Variants in ERC2 observed in about 807,000 individuals in gnomAD.
The protein encoded by ERC2 is ELKS/RAB6-interacting/CAST family member 2, also known as ERC protein 2.
In ERC2, 42 loss-of-function variants were observed where a neutral mutation model predicts 114.8. The observed-to-expected ratio is 0.37, with a 90% CI of 0.29 to 0.47. The LOEUF is 0.47. Among genes scored for constraint, ERC2 ranks in the 20% least tolerant of loss-of-function variants. The pLI is 0.99. For missense variants in ERC2, 939 were observed against 1,150.7 expected (o/e 0.82, Z 2.66); for synonymous variants, 454 against 425.5 (o/e 1.07, Z -0.82).
chr3:55,651,880 A>C (rs1559802150), intron 17 of ERC2, among the ~76,000 whole-genome samples: 1 of 152,212 alleles, frequency 6.6e-6, no homozygotes, highest in East Asian at 1.9e-4. Context: ...CACAGATTGC[A>C]AAAAAGGCAA....
chr3:56,448,990 G>C (rs1329194244), intron 1 of ERC2, among the ~76,000 whole-genome samples: 1 of 151,230 alleles, frequency 6.6e-6, no homozygotes, highest in Admixed American at 6.6e-5. Flanking sequence ...CAGGAGAATG[G>C]CGTGAACCCA....
intron 3 of ERC2, among the ~76,000 whole-genome samples, chr3:56,207,127 G>C (rs1199040098): frequency 6.6e-6 from 1 of 152,038 alleles, no homozygotes; most frequent in Non-Finnish European, 1.5e-5. Flanking sequence ...TAATATGTTT[G>C]CTGTGGGCAT....
intron 10 of ERC2, among the ~76,000 whole-genome samples, chr3:55,998,963 C>T (rs890530221): frequency 5.3e-5 from 8 of 152,176 alleles, no homozygotes; most frequent in African/African-American, 1.9e-4. Flanking sequence ...AGCAAGGTTG[C>T]ACCCAGTGCC....
At chr3:55,732,240 G>T (rs1403312318) in intron 15 of ERC2, among the ~76,000 whole-genome samples, 3 of 152,056 alleles carry the variant, frequency 2.0e-5, no homozygotes, top group Admixed American at 6.6e-5. Context: ...AATAACAGGG[G>T]GTTATTTTGA....
chr3:56,004,741 T>C (rs540791219), intron 10 of ERC2, among the ~76,000 whole-genome samples: 5 of 152,120 alleles, frequency 3.3e-5, no homozygotes, highest in South Asian at 2.1e-4. Context: ...CAAAATTCCA[T>C]TGGGAATTTT....
intron 5 of ERC2, among the ~76,000 whole-genome samples, chr3:56,144,846 G>C (rs2081055132): frequency 6.6e-6 from 1 of 151,706 alleles, no homozygotes; most frequent in Non-Finnish European, 1.5e-5. Context: ...ATAGTTACAG[G>C]GTAAAAAAAA....
intron 6 of ERC2, among the ~76,000 whole-genome samples, chr3:56,121,847 C>T (rs150526716): frequency 3.0e-4 from 46 of 152,204 alleles, no homozygotes; most frequent in Non-Finnish European, 6.2e-4. Context: ...GCTTACCGTG[C>T]CCAGGAGTTT....
chr3:56,439,545 G>T (rs1486145310), intron 1 of ERC2, among the ~76,000 whole-genome samples: 1 of 152,116 alleles, frequency 6.6e-6, no homozygotes, highest in Non-Finnish European at 1.5e-5. Flanking sequence ...TACCTATTTT[G>T]TGTCAATTAT....
intron 14 of ERC2, among the ~76,000 whole-genome samples, chr3:55,850,609 A>T (rs2061528666): frequency 6.6e-6 from 1 of 152,162 alleles, no homozygotes; most frequent in Admixed American, 6.5e-5. Flanking sequence ...ATAACAGCCA[A>T]GACCACTCCT....
chr3:56,400,744 T>C lies in ERC2; in HGVS notation c.657+33607A>G, dbSNP rs142773462. On this transcript the variant is annotated intron_variant, in intron 2 of 17. Coordinates refer to ENST00000288221, the MANE Select transcript of ERC2 (RefSeq NM_015576.3). ...TAATGAATGACTTTGCTAATACCTG[T>C]TTTTACTATGTTCATTACTCTGTGG... is the stretch of plus-strand genomic sequence containing the variant. Among the ~76,000 whole-genome samples, 15 of 152,332 alleles carry C rather than the reference T, an allele frequency of 9.8e-5. No homozygotes were observed. The East Asian group carries it at 2.1e-3, about 22-fold the overall frequency.
chr3:56,335,055 T>A (rs1212532357), intron 2 of ERC2, among the ~76,000 whole-genome samples: 1 of 152,196 alleles, frequency 6.6e-6, no homozygotes. Context: ...TCTGCCCACC[T>A]TGGCCTCCCA....
At chr3:55,875,397 A>G (rs2062781653) in intron 14 of ERC2, among the ~76,000 whole-genome samples, 1 of 152,214 alleles carries the variant, frequency 6.6e-6, no homozygotes, top group Admixed American at 6.5e-5. Context: ...GGGTGAGGTA[A>G]TAGCAGACTC....
In ERC2 at chr3:56,314,391, C is replaced by A. The variant is rs953353452; in HGVS notation, c.658-17956G>T. Among the ~76,000 whole-genome samples, 5 of 151,786 alleles carry A rather than the reference C, an allele frequency of 3.3e-5. No individual in the cohort carries two copies. The South Asian group carries it at 8.3e-4, about 25-fold the overall frequency. On this transcript the variant is annotated intron_variant, in intron 2 of 17. Coordinates refer to ENST00000288221, the MANE Select transcript of ERC2 (RefSeq NM_015576.3). Reference sequence around the variant, plus strand: ...CTTATGCCTGAAACTTAGTAAGTACCCTAGCCAACAGGAAGCCATCATTTT... The same window carrying A: ...CTTATGCCTGAAACTTAGTAAGTACACTAGCCAACAGGAAGCCATCATTTT...
In ERC2 at chr3:55,997,931, T is replaced by TG. The variant is rs1330150296; in HGVS notation, c.2062-5682_2062-5681insC. Reference sequence around the variant, plus strand: ...TTGTGTGTGTGTGTGTGTTTTTTGTTTTTTTTTTTTTTTTGGTAGAGATGG... The same window carrying TG: ...TTGTGTGTGTGTGTGTGTTTTTTGTTGTTTTTTTTTTTTTTGGTAGAGATGG... On this transcript the variant is annotated intron_variant, in intron 10 of 17. Coordinates refer to ENST00000288221, the MANE Select transcript of ERC2 (RefSeq NM_015576.3). Among the ~76,000 whole-genome samples the TG allele has an allele frequency of 8.6e-3, 527 of 61,034 alleles. 21 individuals carry two copies. The East Asian group carries it at 0.29, about 33-fold the overall frequency. 40.0% of individuals were successfully genotyped at this position (61,034 alleles called of 152,430 possible). A position where few individuals can be genotyped will look rare whatever the true frequency, so the allele number is the denominator to read the frequency against.
At chr3:55,761,923 TGC>T (rs1491397434) in intron 14 of ERC2, among the ~76,000 whole-genome samples, 1 of 134,648 alleles carries the variant, frequency 7.4e-6, no homozygotes, top group African/African-American at 2.9e-5. Flanking sequence ...TCTCTCTCTC[TGC>T]CCCCCTCCCT....
chr3:55,541,992 C>T (rs1272821951), intron 17 of ERC2, among the ~76,000 whole-genome samples: 3 of 152,164 alleles, frequency 2.0e-5, no homozygotes, highest in African/African-American at 7.2e-5. Flanking sequence ...CTGTGAAAAG[C>T]AATGACATAT....
At chr3:56,337,837 G>A (rs1404730776) in intron 2 of ERC2, among the ~76,000 whole-genome samples, 2 of 152,170 alleles carry the variant, frequency 1.3e-5, no homozygotes, top group African/African-American at 4.8e-5. Context: ...CCAAAAACTG[G>A]AGACAACCCA....
intron 10 of ERC2, among the ~76,000 whole-genome samples, chr3:55,995,072 C>G (rs528040375): frequency 1.3e-5 from 2 of 152,164 alleles, no homozygotes; most frequent in African/African-American, 4.8e-5. Context: ...CGGTGGCTCA[C>G]GCCTGTAAAC....
intron 14 of ERC2, among the ~76,000 whole-genome samples, chr3:55,803,252 A>G (rs929276394): frequency 4.6e-5 from 7 of 152,218 alleles, no homozygotes; most frequent in Non-Finnish European, 8.8e-5. Flanking sequence ...GTAAAATTAC[A>G]TAATTAAAAT....
Sources: gnomAD v4.1 joint callset for allele counts (sites outside exome capture counted in the v4.1 genomes callset) on GRCh38, gnomAD v4.1.1 for gene constraint, MANE v1.5 for transcripts, NCBI Gene and HGNC (gene_info 2026-07-23, HGNC 2026-07-21) for gene names.